The following KIAA1549L variants were observed in gnomAD, a reference collection of about 807,000 sequenced individuals.
KIAA1549L encodes UPF0606 protein KIAA1549L.
Under a neutral mutation model 160.7 loss-of-function variants are expected in KIAA1549L, and 88 were observed. The ratio of observed to expected loss-of-function variants is 0.55; its 90% CI spans 0.46 to 0.65. The LOEUF (loss-of-function observed/expected upper bound fraction) is 0.65. KIAA1549L is among the 30% of genes least tolerant of loss of function. The pLI is 0.00. For synonymous variants in KIAA1549L, 950 were observed against 976.7 expected (o/e 0.97, Z 0.51); for missense variants, 2,258 against 2,437.5 (o/e 0.93, Z 1.55).
Position 33,634,038 on chromosome 11 carries a change from TTTG to T in KIAA1549L, c.5410-11630_5410-11628del, listed in dbSNP as rs753973969. Among the ~76,000 whole-genome samples the T allele has an allele frequency of 2.4e-4, 36 of 152,172 alleles. No individual in the cohort carries two copies. In the South Asian group the frequency reaches 3.3e-3, roughly 14 times the overall value. ...CTTTTCTAGCAGTTACTACTCTGTT[TTTG>T]TTGTTGTTGTTGTTGTTTTGAGACA... is the stretch of plus-strand genomic sequence containing the variant. On this transcript the variant is annotated intron_variant, in intron 16 of 20. Transcript: ENST00000658780.
chr11:33,579,320 A>G (rs991752758), intron 10 of KIAA1549L, among the ~76,000 whole-genome samples: 7 of 152,110 alleles, frequency 4.6e-5, no homozygotes, highest in Non-Finnish European at 7.4e-5. Context: ...ACACCCGACA[A>G]TATCCCACGG....
intron 1 of KIAA1549L, among the ~76,000 whole-genome samples, chr11:33,434,013 C>T (rs1590241293): frequency 6.6e-6 from 1 of 152,034 alleles, no homozygotes; most frequent in African/African-American, 2.4e-5. Context: ...CACATGTATA[C>T]CCATGTAACC....
At chr11:33,412,334 C>T (rs1473581234) in intron 1 of KIAA1549L, among the ~76,000 whole-genome samples, 1 of 152,176 alleles carries the variant, frequency 6.6e-6, no homozygotes, top group Non-Finnish European at 1.5e-5. Flanking sequence ...TGAATGACTC[C>T]TGTTGTATCT....
At chr11:33,412,677 G>A (rs1850807637) in intron 1 of KIAA1549L, among the ~76,000 whole-genome samples, 2 of 152,174 alleles carry the variant, frequency 1.3e-5, no homozygotes, top group African/African-American at 4.8e-5. Flanking sequence ...ATTAGAAAAC[G>A]GATAGCTTCT....
chr11:33,457,938 G>GTATGTGATGC (rs1565145486), intron 1 of KIAA1549L, among the ~76,000 whole-genome samples: 1 of 152,188 alleles, frequency 6.6e-6, no homozygotes, highest in East Asian at 1.9e-4. Flanking sequence ...AGTCCAGAAC[G>GTATGTGATGC]TATGTGATGC....
intron 1 of KIAA1549L, among the ~76,000 whole-genome samples, chr11:33,386,108 G>A (rs561395511): frequency 6.6e-6 from 1 of 152,202 alleles, no homozygotes; most frequent in Non-Finnish European, 1.5e-5. Flanking sequence ...AGAACTTCTA[G>A]TACTTTGCTG....
intron 1 of KIAA1549L, among the ~76,000 whole-genome samples, chr11:33,431,173 G>A (rs933396489): frequency 5.3e-5 from 8 of 152,116 alleles, no homozygotes; most frequent in Non-Finnish European, 1.0e-4. Flanking sequence ...GCAGATCTTC[G>A]CGGTGAGTGT....
At chr11:33,653,558 T>A (rs1461573347) in intron 17 of KIAA1549L, among the ~76,000 whole-genome samples, 1 of 152,244 alleles carries the variant, frequency 6.6e-6, no homozygotes, top group Non-Finnish European at 1.5e-5. Context: ...ATTGTTTCAC[T>A]ACAGTGTATC....
At chr11:33,555,549 A>G (rs966395577) in intron 6 of KIAA1549L, among the ~76,000 whole-genome samples, 3 of 152,232 alleles carry the variant, frequency 2.0e-5, no homozygotes, top group Admixed American at 6.5e-5. Flanking sequence ...TGCCAAGGCT[A>G]TTCAATGGGG....
intron 1 of KIAA1549L, among the ~76,000 whole-genome samples, chr11:33,474,935 A>G (rs1488526645): frequency 6.6e-6 from 1 of 152,216 alleles, no homozygotes; most frequent in Non-Finnish European, 1.5e-5. Context: ...GGAGGGCTGC[A>G]ATATTTTAAA....
intron 1 of KIAA1549L, among the ~76,000 whole-genome samples, chr11:33,533,951 C>A (rs751747852): frequency 6.6e-6 from 1 of 152,162 alleles, no homozygotes; most frequent in Non-Finnish European, 1.5e-5. Context: ...GAAATACTGT[C>A]GGTCCAAACA....
chr11:33,645,046 G>A (rs1164167856), intron 16 of KIAA1549L, among the ~76,000 whole-genome samples: 2 of 152,262 alleles, frequency 1.3e-5, no homozygotes, highest in African/African-American at 2.4e-5. Flanking sequence ...GTTCAGTGAA[G>A]AAAGGCAGGA....
At chr11:33,621,331 C>T (rs1850953140) in intron 16 of KIAA1549L, among the ~76,000 whole-genome samples, 1 of 152,156 alleles carries the variant, frequency 6.6e-6, no homozygotes, top group African/African-American at 2.4e-5. Context: ...TTTACAGCAA[C>T]AATCTTCAAC....
intron 1 of KIAA1549L, among the ~76,000 whole-genome samples, chr11:33,510,434 G>C (rs1316354425): frequency 6.6e-6 from 1 of 152,100 alleles, no homozygotes; most frequent in Non-Finnish European, 1.5e-5. Context: ...TGATCCACTC[G>C]TCTCGGCCTC....
chr11:33,550,495 C>G (rs1214263732), intron 4 of KIAA1549L, among the ~76,000 whole-genome samples: 1 of 152,176 alleles, frequency 6.6e-6, no homozygotes, highest in Admixed American at 6.5e-5. Flanking sequence ...CAGAGAAATT[C>G]TCTGGTGCAT....
At chr11:33,639,851 G>T (rs962686295) in intron 16 of KIAA1549L, among the ~76,000 whole-genome samples, 2 of 152,104 alleles carry the variant, frequency 1.3e-5, no homozygotes, top group Admixed American at 1.3e-4. Flanking sequence ...TATATGCAAA[G>T]TTCTAAACAC....
chr11:33,439,240 C>T (rs1196154621), intron 1 of KIAA1549L, among the ~76,000 whole-genome samples: 1 of 151,772 alleles, frequency 6.6e-6, no homozygotes, highest in African/African-American at 2.4e-5. Context: ...TGTGAAATGA[C>T]CTTCTTTAAC....
intron 13 of KIAA1549L, 102 bp downstream of exon 13, chr11:33,599,049 C>T: frequency 7.3e-7 from 1 of 1,363,036 alleles, no homozygotes. Flanking sequence ...AGCCACTGGG[C>T]TCTGACCCTC....
At chr11:33,582,846 C>A (rs1453564826) in intron 10 of KIAA1549L, among the ~76,000 whole-genome samples, 2 of 152,192 alleles carry the variant, frequency 1.3e-5, no homozygotes, top group Admixed American at 1.3e-4. Context: ...GGGGGAGATC[C>A]ATCTGCTCAT....
Sources: allele counts gnomAD v4.1 joint callset (sites outside exome capture counted in the v4.1 genomes callset), GRCh38; gene constraint gnomAD v4.1.1; transcripts MANE v1.5; gene names NCBI Gene and HGNC (gene_info 2026-07-23, HGNC 2026-07-21).